Variants in SECTM1 observed in about 807,000 individuals in gnomAD.
SECTM1 encodes the protein secreted and transmembrane 1.
A neutral mutation model predicts 18.1 loss-of-function variants in SECTM1; 10 were observed. That is an observed-to-expected ratio of 0.55 (90% CI 0.34 to 0.94). The LOEUF (loss-of-function observed/expected upper bound fraction) is 0.94, where lower values mean the gene tolerates loss of function less well. Ranked by LOEUF, SECTM1 falls within the 40% of genes least tolerant of loss-of-function variation. The probability of loss-of-function intolerance (pLI) is 0.02; values close to 1 mark genes in which losing one functional copy is unlikely to be tolerated. For synonymous variants in SECTM1, 137 were observed against 139.2 expected (o/e 0.98, Z 0.11); for missense variants, 297 against 322.6 (o/e 0.92, Z 0.61).
chr17:82,323,285 C>T (rs755836850), intron 3 of SECTM1: 44 of 446,426 alleles, frequency 9.9e-5, no homozygotes, highest in African/African-American at 7.9e-5. Flanking sequence ...CCAGGAGCTG[C>T]GCGCTGGCCC....
intron 1 of SECTM1, among the ~76,000 whole-genome samples, chr17:82,327,775 G>C (rs1428441204): frequency 6.6e-6 from 1 of 152,078 alleles, no homozygotes; most frequent in Non-Finnish European, 1.5e-5. Flanking sequence ...CCAGGGCACA[G>C]AGCTTCGGCA....
intron 3 of SECTM1, among the ~76,000 whole-genome samples, chr17:82,324,073 T>A (rs1302700550): frequency 6.6e-6 from 1 of 151,746 alleles, no homozygotes; most frequent in African/African-American, 2.4e-5. Flanking sequence ...CACCTCTGGG[T>A]GACCCCAGTA....
chr17:82,333,464 C>T (rs912090301), intron 1 of SECTM1, among the ~76,000 whole-genome samples: 10 of 151,792 alleles, frequency 6.6e-5, no homozygotes, highest in Non-Finnish European at 1.5e-4. Flanking sequence ...GACGCACGCT[C>T]AGGGCCAGCG....
At chr17:82,327,925 G>GC (rs1211135346) in intron 1 of SECTM1, among the ~76,000 whole-genome samples, 37 of 138,460 alleles carry the variant, frequency 2.7e-4, no homozygotes, top group Admixed American at 7.9e-4. Context: ...GCAGCCAGCG[G>GC]CCCCCCCAGC....
chr17:82,332,985 G>A (rs1599658101), intron 1 of SECTM1, among the ~76,000 whole-genome samples: 1 of 152,238 alleles, frequency 6.6e-6, no homozygotes, highest in East Asian at 1.9e-4. Context: ...CACCAGTAGT[G>A]GGCAAGGAAC....
rs1338778824 is a variant in SECTM1, at chr17:82,325,768, C to T, written c.95-878G>A. Reference sequence around the variant, plus strand: ...CCTGAGGTCTTGGTGCTGCTACTGTCCCTGCTGCGTCAGCGTCCACCAGTG... The same window carrying T: ...CCTGAGGTCTTGGTGCTGCTACTGTTCCTGCTGCGTCAGCGTCCACCAGTG... On this transcript the variant is annotated intron_variant, in intron 2 of 4. Transcript: ENST00000269389. This position sits in a 1 kb window ranked among gnomAD's most constrained non-coding sequence, Gnocchi z 7.6. Among the ~76,000 whole-genome samples the T allele has an allele frequency of 6.6e-6, 1 of 152,236 alleles. No individual in the cohort carries two copies. Among genetic ancestry groups the T allele is most frequent in the Non-Finnish European group, 1.5e-5 (1 of 68,046 alleles).
intron 1 of SECTM1, among the ~76,000 whole-genome samples, chr17:82,327,942 ACCAGCCCCCCCACC>A (rs1567844795): frequency 6.0e-4 from 16 of 26,548 alleles, no homozygotes; most frequent in African/African-American, 2.0e-3. Flanking sequence ...CAGCCCGTCC[ACCAGCCCCCCCACC>A]CTGCCCGTCC....
At chr17:82,323,170 G>T in intron 3 of SECTM1, 159 bp from the exon 4 acceptor site, 1 of 824,298 alleles carries the variant, frequency 1.2e-6, no homozygotes, top group Non-Finnish European at 1.9e-6. Context: ...AGGGGTGGGA[G>T]GGAGCCAGGA....
Position 82,333,750 on chromosome 17 carries a change from G to C in SECTM1, c.-103C>G, listed in dbSNP as rs1222414040. 6.6e-6 allele frequency: 1 copy of C among 152,168 alleles called. No homozygotes were observed. Among genetic ancestry groups the C allele is most frequent in the African/African-American group, 2.4e-5 (1 of 41,360 alleles). 9.4% of individuals were successfully genotyped at this position (152,168 alleles called of 1,614,324 possible). ...CTGGGATGCAGCTTCTCCGCGCCCC[G>C]GAGCCCCAGGAAAATGAAAGACACG... On this transcript the variant is annotated 5_prime_UTR_variant, in exon 1 of 5. Coordinates refer to ENST00000269389, the MANE Select transcript of SECTM1 (RefSeq NM_003004.3).
chr17:82,327,619 T>C (rs73999878), intron 1 of SECTM1, among the ~76,000 whole-genome samples: 9,270 of 152,216 alleles, frequency 0.061, 383 homozygotes, highest in African/African-American at 0.11. Flanking sequence ...CCTATAGAAA[T>C]GGGTCAGGAC....
At chr17:82,327,925 GC>G (rs1211135346) in intron 1 of SECTM1, among the ~76,000 whole-genome samples, 40 of 138,468 alleles carry the variant, frequency 2.9e-4, no homozygotes, top group East Asian at 1.1e-3. Flanking sequence ...GCAGCCAGCG[GC>G]CCCCCCAGCC....
At chr17:82,327,368 C>A (rs921200111) in intron 1 of SECTM1, 76 bp from the exon 2 acceptor site, 18 of 848,116 alleles carry the variant, frequency 2.1e-5, no homozygotes, top group African/African-American at 3.5e-5. Context: ...TGTCACCTGG[C>A]GGGGGCTGGG....
intron 1 of SECTM1, among the ~76,000 whole-genome samples, chr17:82,331,805 GGA>G (rs1567846014): frequency 1.3e-5 from 2 of 152,246 alleles, no homozygotes; most frequent in Non-Finnish European, 2.9e-5. Context: ...CCTGGCACAG[GGA>G]GACCAGGTAC....
intron 4 of SECTM1, among the ~76,000 whole-genome samples, chr17:82,322,639 GTCC>G (rs2147265871): frequency 6.6e-6 from 1 of 152,206 alleles, no homozygotes; most frequent in East Asian, 1.9e-4. Context: ...CCTCCAGGGA[GTCC>G]TGGGGACAGT....
rs1447462772 is a variant in SECTM1, at chr17:82,326,168, G to A, written c.94+979C>T. Among the ~76,000 whole-genome samples the A allele has an allele frequency of 6.6e-6, 1 of 152,240 alleles. No homozygotes were observed. The highest frequency in any genetic ancestry group is 1.5e-5 in the Non-Finnish European group (1 of 68,036). On this transcript the variant is annotated intron_variant, in intron 2 of 4. Transcript: ENST00000269389. This position sits in a 1 kb window ranked among gnomAD's most constrained non-coding sequence, Gnocchi z 4.3. ...TTTGGAACCACTGTTGGGGGGTGGGGGCAGAATCTCCCGAAACCAGGGTTC... is the reference window on the plus strand; with the variant it reads ...TTTGGAACCACTGTTGGGGGGTGGGAGCAGAATCTCCCGAAACCAGGGTTC...
chr17:82,322,998 C>T lies in SECTM1; in HGVS notation c.417G>A (p.Gln139=). 1 of 1,612,504 alleles carries T rather than the reference C, an allele frequency of 6.2e-7. No homozygotes were observed. Among genetic ancestry groups the T allele is most frequent in the Non-Finnish European group, 8.5e-7 (1 of 1,179,366 alleles). ...GCCAGAACCCAGTGTCGGGGGCGGA[C>T]TGGGGTTCTGCACCTGAAGGAGGCA... ...VTLEVSGAEP[Q]SAPDTGFWPV... Residue 139 remains glutamine, a synonymous_variant, in exon 4 of 5, where the codon CAG becomes CAA. Transcript: ENST00000269389.
intron 1 of SECTM1, 79 bp from the exon 2 acceptor site, chr17:82,327,371 GGGCTGGGA>G (rs2052155791): frequency 1.2e-6 from 1 of 807,746 alleles, no homozygotes. Context: ...CACCTGGCGG[GGGCTGGGA>G]GGCTGGGGGT....
At chr17:82,327,979 A>C (rs1302104003) in intron 1 of SECTM1, among the ~76,000 whole-genome samples, 7 of 38,732 alleles carry the variant, frequency 1.8e-4, no homozygotes, top group African/African-American at 7.0e-4. Context: ...CGGCCTCCCC[A>C]GCCTGTCCAT....
chr17:82,329,690 G>A lies in SECTM1; in HGVS notation c.-52-2398C>T, dbSNP rs569822837. Among the ~76,000 whole-genome samples the A allele has an allele frequency of 6.6e-6, 1 of 152,038 alleles. No individual in the cohort carries two copies. Among genetic ancestry groups the A allele is most frequent in the South Asian group, 2.1e-4 (1 of 4,814 alleles). ...GGTCTCCCTGGGTTAAAATCAAGGG[G>A]TGGGTCAGGGTGGTCCCTTCTGGAG... On this transcript the variant is annotated intron_variant, in intron 1 of 4. Transcript: ENST00000269389. This position sits in a 1 kb window ranked among gnomAD's most constrained non-coding sequence, Gnocchi z 7.6.
Sources: gnomAD v4.1 joint callset for allele counts (sites outside exome capture counted in the v4.1 genomes callset) on GRCh38, gnomAD v4.1.1 for gene constraint, Gnocchi (gnomAD v3.1) non-coding constraint, MANE v1.5 for transcripts, NCBI Gene and HGNC (gene_info 2026-07-23, HGNC 2026-07-21) for gene names.